Variants in SIPA1 observed in about 807,000 individuals in gnomAD.
SIPA1 encodes the protein signal-induced proliferation-associated protein 1.
A neutral mutation model predicts 88.1 loss-of-function variants in SIPA1; 51 were observed. The ratio of observed to expected loss-of-function variants is 0.58; its 90% CI spans 0.46 to 0.73. The LOEUF (loss-of-function observed/expected upper bound fraction) is 0.73, where lower values mean the gene tolerates loss of function less well. Ranked by LOEUF, SIPA1 falls within the 30% of genes least tolerant of loss-of-function variation. The pLI is 0.00. For missense variants in SIPA1, 1,348 were observed against 1,467.6 expected (o/e 0.92, Z 1.33); for synonymous variants, 681 against 664.8 (o/e 1.02, Z -0.37).
At chr11:65,643,385 C>G (rs1377227389) in intron 4 of SIPA1, among the ~76,000 whole-genome samples, 1 of 152,246 alleles carries the variant, frequency 6.6e-6, no homozygotes, top group African/African-American at 2.4e-5. Flanking sequence ...TTCCATCCCC[C>G]ACTCCATGCT....
intron 9 of SIPA1, 186 bp from the exon 10 acceptor site, chr11:65,649,076 C>A: frequency 1.8e-6 from 1 of 564,456 alleles, no homozygotes; most frequent in Non-Finnish European, 3.2e-6. Context: ...TATACAGGGG[C>A]AGCACTGGAA....
At chr11:65,649,003 G>T (rs1245175658) in intron 9 of SIPA1, among the ~76,000 whole-genome samples, 1 of 152,190 alleles carries the variant, frequency 6.6e-6, no homozygotes, top group African/African-American at 2.4e-5. Context: ...ACACTATGAG[G>T]TTCGTACTAT....
At position 65,647,063 on chromosome 11, in the gene SIPA1, C is replaced by A; in HGVS notation, c.2029C>A (p.Gln677Lys). The A allele has an allele frequency of 6.5e-7, 1 of 1,535,868 alleles. No homozygotes were observed. The highest frequency in any genetic ancestry group is 1.2e-5 in the South Asian group (1 of 83,102). ...CGTGGGCGAGGTGGTGGCGCGCCTG[C>A]AGGTGAGCTGGAGTGGTAAACTGGG... ...QAVGEVVARL[Q>K]LVSRGCETRE... Residue 677 changes from glutamine (Q) to lysine (K), a missense_variant and splice_region_variant, in exon 8 of 16, where the codon CAG becomes AAG. By Grantham distance (53) the Gln-to-Lys change is moderately conservative (BLOSUM62 1). Transcript: ENST00000534313.
Position 65,647,016 on chromosome 11 carries a change from T to A in SIPA1, c.1982T>A (p.Phe661Tyr). 6.5e-7 allele frequency: 1 copy of A among 1,540,442 alleles called. No homozygotes were observed. The highest frequency in any genetic ancestry group is 8.7e-7 in the Non-Finnish European group (1 of 1,149,194). ...CGCGGGGAGGCGATCACGCTGCGCT[T>A]CGACGGGTCCCCCGGCCAAGCCGTG... ...HGRGEAITLR[F>Y]DGSPGQAVGE... The change falls in exon 8 of 16, where the codon TTC becomes TAC. Residue 661 changes from phenylalanine (F) to tyrosine (Y), a missense_variant. Around this residue, in one of 4 missense-constraint regions of SIPA1, gnomAD observed 615 missense variants for 559.8 expected, o/e 1.10. Transcript: ENST00000534313.
In SIPA1 at chr11:65,647,534, C is replaced by A; in HGVS notation, c.2182C>A (p.Leu728Ile). The change falls in exon 9 of 16, where the codon CTC (leucine) becomes ATC (isoleucine). Residue 728 changes from leucine (L) to isoleucine (I), a missense_variant. Physicochemically the swap from Leu to Ile is conservative, Grantham distance 5 (BLOSUM62 2). Around this residue, in one of 4 missense-constraint regions of SIPA1, gnomAD observed 615 missense variants for 559.8 expected, o/e 1.10. Transcript: ENST00000534313. ...ETAGLRPGARLLRVCGQTLPS... is the reference protein window; with the variant it reads ...ETAGLRPGARILRVCGQTLPS... ...GGCGGGGCTGCGGCCCGGGGCGCGC[C>A]TCCTGCGCGTGTGCGGCCAGACTCT... 7.4e-7 allele frequency: 1 copy of A among 1,345,492 alleles called. No homozygotes were observed. The highest frequency in any genetic ancestry group is 9.5e-7 in the Non-Finnish European group (1 of 1,050,950). 83.3% of individuals were successfully genotyped at this position (1,345,492 alleles called of 1,614,324 possible). A position where few individuals can be genotyped will look rare whatever the true frequency, so the allele number is the denominator to read the frequency against.
chr11:65,640,660 G>A (rs1020980433), intron 1 of SIPA1, 171 bp from the exon 2 acceptor site: 10 of 446,588 alleles, frequency 2.2e-5, no homozygotes, highest in African/African-American at 2.1e-4. Context: ...AGCTGGGGAG[G>A]GGGCTGGAAA....
intron 8 of SIPA1, 86 bp from the exon 9 acceptor site, chr11:65,647,298 G>T: frequency 7.3e-7 from 1 of 1,372,868 alleles, no homozygotes; most frequent in South Asian, 1.6e-5. Context: ...AAAGTTCCGT[G>T]TGGCCTGGGA....
chr11:65,647,431 C>G lies in SIPA1; in HGVS notation c.2079C>G (p.Asp693Glu). 2 of 1,478,146 alleles carry G rather than the reference C, an allele frequency of 1.4e-6. No homozygotes were observed. Among genetic ancestry groups the G allele is most frequent in the Non-Finnish European group, 1.8e-6 (2 of 1,122,196 alleles). The allele number at this position is 1,478,146 out of a possible 1,614,324, so 91.6% of individuals were successfully genotyped here. A position where few individuals can be genotyped will look rare whatever the true frequency, so the allele number is the denominator to read the frequency against. Residue 693 changes from aspartate (D) to glutamate (E), a missense_variant, in exon 9 of 16, where the codon GAC becomes GAG. Coordinates refer to ENST00000534313, the MANE Select transcript of SIPA1 (RefSeq NM_006747.4). ...CETRELALPR[D>E]GQGRLGFEVD... The stretch of plus-strand genomic sequence containing the variant: ...CCCGCGAGCTGGCGCTGCCCCGCGA[C>G]GGTCAAGGCCGCCTGGGCTTCGAGG...
chr11:65,644,906 GT>G, intron 4 of SIPA1, 48 bp from the exon 5 acceptor site: 1 of 1,561,348 alleles, frequency 6.4e-7, no homozygotes, highest in Non-Finnish European at 8.7e-7. Context: ...AGCTGGTGGG[GT>G]GGGGCTGCAG....
At chr11:65,640,418 TTTG>T (rs1211957417) in intron 1 of SIPA1, 1 of 155,288 alleles carries the variant, frequency 6.4e-6, no homozygotes, top group East Asian at 1.9e-4. Flanking sequence ...ACGTCCTCCC[TTTG>T]TTAAGTGGGC....
At position 65,650,662 on chromosome 11, in the gene SIPA1, C is replaced by G. The variant is rs371548442; in HGVS notation, c.3076C>G (p.Arg1026Gly). ...LQAESESAATRLLLASKQLGS... is the reference protein window; with the variant it reads ...LQAESESAATGLLLASKQLGS... The stretch of plus-strand genomic sequence containing the variant: ...GGCGGAGTCTGAGAGTGCAGCCACA[C>G]GCCTCCTCCTGGCCTCCAAGCAGCT... The change falls in exon 16 of 16, where the codon CGC becomes GGC. Residue 1026 changes from arginine to glycine, a missense_variant. By Grantham distance (125) the Arg-to-Gly change is moderately radical (BLOSUM62 -2). This residue lies in a region of SIPA1 where 615 missense variants were observed against 559.8 expected (regional missense o/e 1.10). Coordinates refer to ENST00000534313, the MANE Select transcript of SIPA1 (RefSeq NM_006747.4). 3.2e-6 allele frequency: 5 copies of G among 1,575,662 alleles called. No individual in the cohort carries two copies. The highest frequency in any genetic ancestry group is 4.7e-5 in the East Asian group (2 of 42,832).
Position 65,646,723 on chromosome 11 carries a change from G to A in SIPA1, c.1689G>A (p.Arg563=). The A allele has an allele frequency of 6.5e-7, 1 of 1,533,768 alleles. No individual in the cohort carries two copies. The highest frequency in any genetic ancestry group is 8.7e-7 in the Non-Finnish European group (1 of 1,143,052). ...TCGGCCTGCCCTCCCTGGGTGGGAG[G>A]CGCCGGGCGGCCCCTCGGGGCCCAG... The part of the protein sequence containing the change: ...SRFGLPSLGG[R]RRAAPRGPGA... The change falls in exon 8 of 16, where the codon AGG becomes AGA. Residue 563 remains arginine, a synonymous_variant. Transcript: ENST00000534313. The surrounding 1 kb of genome is among the most constrained non-coding windows in gnomAD (Gnocchi z 7.5).
intron 1 of SIPA1, among the ~76,000 whole-genome samples, chr11:65,638,724 G>A (rs145742578): frequency 1.5e-4 from 23 of 152,324 alleles, no homozygotes; most frequent in African/African-American, 5.1e-4. Context: ...ACACAGGCCC[G>A]GAGGAATGTC....
rs1856120071 is a variant in SIPA1, at chr11:65,646,527, C to T, written c.1493C>T (p.Ala498Val). The T allele has an allele frequency of 6.4e-7, 1 of 1,566,414 alleles. No individual in the cohort carries two copies. The highest frequency in any genetic ancestry group is 2.3e-5 in the East Asian group (1 of 42,630). The change falls in exon 8 of 16, where the codon GCA becomes GTA. Residue 498 changes from alanine to valine, a missense_variant. Coordinates refer to ENST00000534313, the MANE Select transcript of SIPA1 (RefSeq NM_006747.4). The surrounding 1 kb of genome is among the most constrained non-coding windows in gnomAD (Gnocchi z 7.5). The stretch of plus-strand genomic sequence containing the variant: ...CTGCCTGCTGGCGGAGGCCCCTTCG[C>T]AGCCAACGCCGACTTCCGGGCCTTC... The part of the protein sequence containing the change: ...PALPAGGGPF[A>V]ANADFRAFLL...
chr11:65,647,330 T>G, intron 8 of SIPA1, 54 bp from the exon 9 acceptor site: 1 of 1,368,176 alleles, frequency 7.3e-7, no homozygotes, highest in South Asian at 1.7e-5. Context: ...GGGCGGGCGC[T>G]GGGGCGGCCC....
chr11:65,638,494 T>G (rs1372359040), intron 1 of SIPA1: 1 of 152,118 alleles, frequency 6.6e-6, no homozygotes, highest in Non-Finnish European at 1.5e-5. Context: ...TGCAAGTGTG[T>G]GCGGGGCTCC....
At chr11:65,647,685 T>C in intron 9 of SIPA1, 27 bp downstream of exon 9, 1 of 1,319,030 alleles carries the variant, frequency 7.6e-7, no homozygotes, top group Non-Finnish European at 9.7e-7. Flanking sequence ...CGCGGGGAGG[T>C]GGGAGGGCCG....
Position 65,641,293 on chromosome 11 carries a change from G to A in SIPA1, c.372G>A (p.Leu124=), listed in dbSNP as rs1855998314. The change falls in exon 2 of 16, where the codon CTG becomes CTA. Residue 124 remains leucine, a synonymous_variant. Coordinates refer to ENST00000534313, the MANE Select transcript of SIPA1 (RefSeq NM_006747.4). ...TTGCCCACTATGACGTGCAAAGCCT[G>A]CTCTTTGATTGGGCTCCGAGGTCTC... The part of the protein sequence containing the change: ...RWFAHYDVQS[L]LFDWAPRSQG... 2 of 1,613,694 alleles carry A rather than the reference G, an allele frequency of 1.2e-6. No individual in the cohort carries two copies. The highest frequency in any genetic ancestry group is 1.1e-5 in the South Asian group (1 of 91,088).
chr11:65,640,899 C>T lies in SIPA1; in HGVS notation c.-23C>T. On this transcript the variant is annotated 5_prime_UTR_variant, in exon 2 of 16. Transcript: ENST00000534313. ...CGTGCCCGCCAATGCGGCCCAGCCC[C>T]CGGAGAGTCAGGCCCACAGAGCATG... is the stretch of plus-strand genomic sequence containing the variant. 1 of 1,466,130 alleles carries T rather than the reference C, an allele frequency of 6.8e-7. No individual in the cohort carries two copies. The highest frequency in any genetic ancestry group is 8.9e-7 in the Non-Finnish European group (1 of 1,118,322). The allele number at this position is 1,466,130 out of a possible 1,614,324, so 90.8% of individuals were successfully genotyped here.
Sources: gnomAD v4.1 joint callset for allele counts (sites outside exome capture counted in the v4.1 genomes callset) on GRCh38, gnomAD v4.1.1 for gene constraint, gnomAD v4.1.1 regional missense constraint, Gnocchi (gnomAD v3.1) non-coding constraint, MANE v1.5 for transcripts, NCBI Gene and HGNC (gene_info 2026-07-23, HGNC 2026-07-21) for gene names.